AHR: variants seen among roughly 807,000 people sequenced by gnomAD.
AHR encodes the protein aryl hydrocarbon receptor.
AHR carries 40 observed loss-of-function variants against 86.8 expected under a neutral mutation model. The ratio of observed to expected loss-of-function variants is 0.46; its 90% CI spans 0.36 to 0.60. AHR has a LOEUF of 0.60. Among genes scored for constraint, AHR ranks in the 20% least tolerant of loss-of-function variants. The pLI, the probability that AHR is intolerant of heterozygous loss-of-function variation, is 0.00. For missense variants in AHR, 1,001 were observed against 1,011.6 expected, an observed-to-expected ratio of 0.99 and a Z score of 0.14; for synonymous variants, 398 against 354.9, an observed-to-expected ratio of 1.12 and a Z score of -1.37.
intron 1 of AHR, among the ~76,000 whole-genome samples, chr7:17,307,515 A>C (rs1340949923): frequency 6.6e-6 from 1 of 152,186 alleles, no homozygotes; most frequent in Non-Finnish European, 1.5e-5. Context: ...CACATGTTGT[A>C]ACTGTAAGTA....
chr7:17,305,853 A>G (rs1228054194), intron 1 of AHR, among the ~76,000 whole-genome samples: 1 of 152,082 alleles, frequency 6.6e-6, no homozygotes, highest in Non-Finnish European at 1.5e-5. Flanking sequence ...TTTTTGATGG[A>G]GATGTTAAAA....
intron 2 of AHR, among the ~76,000 whole-genome samples, chr7:17,320,414 G>A (rs1247628683): frequency 6.6e-6 from 1 of 151,980 alleles, no homozygotes; most frequent in East Asian, 1.9e-4. Flanking sequence ...TCTACTGCCA[G>A]TGACTCTAGG....
intron 6 of AHR, among the ~76,000 whole-genome samples, chr7:17,331,164 A>G (rs1782284504): frequency 6.6e-6 from 1 of 151,768 alleles, no homozygotes. Context: ...ACTGACTGAG[A>G]CTCAGCTATT....
At chr7:17,306,262 T>G (rs1782004378) in intron 1 of AHR, among the ~76,000 whole-genome samples, 1 of 152,194 alleles carries the variant, frequency 6.6e-6, no homozygotes, top group African/African-American at 2.4e-5. Flanking sequence ...GTAAGATTAC[T>G]CTATTTTTAA....
rs916447423 is a variant in AHR, at chr7:17,344,647, TGAGA to T, written c.*1589_*1592del. 1 of 150,704 alleles carries T rather than the reference TGAGA, an allele frequency of 6.6e-6. No individual in the cohort carries two copies. The highest frequency in any genetic ancestry group is 1.5e-5 in the Non-Finnish European group (1 of 67,660). The allele number at this position is 150,704 out of a possible 1,614,324, so 9.3% of individuals were successfully genotyped here. ...TTTTATTCTTTTTTTTTTTTTTTTT[TGAGA>T]GAGAGTCTTACTCTGCCGCCCAAAC... On this transcript the variant is annotated 3_prime_UTR_variant, in exon 11 of 11. Transcript: ENST00000242057.
At chr7:17,300,781 C>G (rs1220584181) in intron 1 of AHR, among the ~76,000 whole-genome samples, 3 of 152,032 alleles carry the variant, frequency 2.0e-5, no homozygotes, top group Admixed American at 2.0e-4. Context: ...AATGTCTGTT[C>G]TATGTGTTTA....
rs1782261159 is a variant in AHR, at chr7:17,329,308, A to T, written c.451-644A>T. Among the ~76,000 whole-genome samples the T allele has an allele frequency of 2.6e-5, 4 of 151,930 alleles. No homozygotes were observed. The South Asian group carries it at 8.3e-4, about 31-fold the overall frequency. ...GGTAAGTGTTTTGTGAAACTTTTCC[A>T]TGTGTTTATGTCTGTGCACACACCT... On this transcript the variant is annotated intron_variant, in intron 4 of 10. Coordinates refer to ENST00000242057, the MANE Select transcript of AHR (RefSeq NM_001621.5).
chr7:17,320,130 G>C (rs990368245), intron 2 of AHR, among the ~76,000 whole-genome samples: 4 of 151,958 alleles, frequency 2.6e-5, no homozygotes, highest in African/African-American at 9.7e-5. Flanking sequence ...GAAAGAATTT[G>C]TTCTTTTTAT....
chr7:17,335,841 ATG>A, intron 9 of AHR, 55 bp downstream of exon 9: 1 of 1,522,402 alleles, frequency 6.6e-7, no homozygotes, highest in Non-Finnish European at 8.9e-7. Flanking sequence ...AAGTCCTCTT[ATG>A]TGAAAGCATA....
Position 17,343,217 on chromosome 7 carries a change from G to A in AHR, c.*153G>A. The A allele has an allele frequency of 1.0e-6, 1 of 969,490 alleles. No homozygotes were observed. The allele number at this position is 969,490 out of a possible 1,614,324, so 60.1% of individuals were successfully genotyped here. ...TATTCCAAACCAAATTTTAATTTTT[G>A]CTTTTAGAAAAGGGAGTTTAAAAAT... On this transcript the variant is annotated 3_prime_UTR_variant, in exon 11 of 11. Coordinates refer to ENST00000242057, the MANE Select transcript of AHR (RefSeq NM_001621.5).
intron 3 of AHR, among the ~76,000 whole-genome samples, chr7:17,326,251 C>A (rs1206632176): frequency 6.6e-6 from 1 of 152,108 alleles, no homozygotes; most frequent in Non-Finnish European, 1.5e-5. Flanking sequence ...TAGTTGTTAT[C>A]TTTGTAGTCA....
chr7:17,338,716 T>A (rs2115369321), intron 9 of AHR, among the ~76,000 whole-genome samples: 1 of 152,216 alleles, frequency 6.6e-6, no homozygotes, highest in South Asian at 2.1e-4. Flanking sequence ...TTTATTATTT[T>A]TTTCTTTTTT....
chr7:17,312,380 G>A (rs1427953268), intron 2 of AHR, among the ~76,000 whole-genome samples: 1 of 152,122 alleles, frequency 6.6e-6, no homozygotes, highest in Non-Finnish European at 1.5e-5. Context: ...AAAAAGTATA[G>A]GTTTTTCCTC....
intron 10 of AHR, among the ~76,000 whole-genome samples, chr7:17,341,870 G>A (rs1489835408): frequency 2.6e-5 from 4 of 152,098 alleles, no homozygotes; most frequent in Non-Finnish European, 4.4e-5. Context: ...TTACACTGCT[G>A]TGTACAGTAT....
chr7:17,331,032 T>C, intron 6 of AHR, 146 bp downstream of exon 6: 1 of 806,638 alleles, frequency 1.2e-6, no homozygotes. Context: ...GAGAGCTCAC[T>C]TAAAAACATG....
rs111840608 is a variant in AHR at position 17,312,132 on chromosome 7, C to T, written c.253+2009C>T. 3.9e-3 allele frequency among the ~76,000 whole-genome samples: 596 copies of T among 152,298 alleles called. 4 individuals are homozygous for T. The highest frequency in any genetic ancestry group is 0.014 in the African/African-American group (564 of 41,574). ...AACTTCAGGCCTCCTCCCAGCGTCA[C>T]GGAATGCTGTCCTGATCCCTAGCAT... On this transcript the variant is annotated intron_variant, in intron 2 of 10. Transcript: ENST00000242057.
At chr7:17,326,616 A>C (rs764958719) in intron 3 of AHR, among the ~76,000 whole-genome samples, 5 of 152,186 alleles carry the variant, frequency 3.3e-5, no homozygotes, top group African/African-American at 9.7e-5. Flanking sequence ...CTCTGTGCCA[A>C]GCATTGAGTT....
In AHR at chr7:17,317,622, G is replaced by C. The variant is rs569189460; in HGVS notation, c.254-4879G>C. 4.6e-5 allele frequency among the ~76,000 whole-genome samples: 7 copies of C among 152,124 alleles called. No individual in the cohort carries two copies. The East Asian group carries it at 9.7e-4, about 21-fold the overall frequency. On this transcript the variant is annotated intron_variant, in intron 2 of 10. Transcript: ENST00000242057. Reference sequence around the variant, plus strand: ...TCTAAGTCTCTGTTTCTCAAAGAATGGCACCTCATTCTCAGCATCACTGGG... The same window carrying C: ...TCTAAGTCTCTGTTTCTCAAAGAATCGCACCTCATTCTCAGCATCACTGGG...
intron 1 of AHR, among the ~76,000 whole-genome samples, chr7:17,306,303 A>T (rs1024255227): frequency 2.0e-5 from 3 of 152,214 alleles, no homozygotes; most frequent in African/African-American, 7.2e-5. Flanking sequence ...ATGTATGGAT[A>T]GATATTAAAT....
Sources: gnomAD v4.1 joint callset for allele counts (sites outside exome capture counted in the v4.1 genomes callset) on GRCh38, gnomAD v4.1.1 for gene constraint, MANE v1.5 for transcripts, NCBI Gene and HGNC (gene_info 2026-07-23, HGNC 2026-07-21) for gene names.